TENM1: variants seen among roughly 807,000 people sequenced by gnomAD.
TENM1 encodes the protein teneurin-1.
Under a neutral mutation model 174.8 loss-of-function variants are expected in TENM1, and 35 were observed. The observed-to-expected ratio is 0.20, with a 90% CI of 0.15 to 0.27. The LOEUF is 0.27. Ranked by LOEUF, TENM1 falls within the 10% of genes least tolerant of loss-of-function variation. TENM1 has a pLI of 1.00. For missense variants in TENM1, 1,633 were observed against 2,130.1 expected, an observed-to-expected ratio of 0.77 and a Z score of 4.59; for synonymous variants, 781 against 798.7, an observed-to-expected ratio of 0.98 and a Z score of 0.37.
chrX:125,201,104 G>C, the TENM1 span, among the ~76,000 whole-genome samples: 2 of 112,102 alleles, frequency 1.8e-5, no homozygotes, highest in Non-Finnish European at 3.8e-5. Context: ...TTTGCAGTTT[G>C]ACAATTTAAA....
At chrX:125,018,017 TA>T in the TENM1 span, among the ~76,000 whole-genome samples, 1 of 111,703 alleles carries the variant, frequency 9.0e-6, no homozygotes, top group East Asian at 2.8e-4. Flanking sequence ...TAAAGTTTAA[TA>T]AAAAAATTAA....
chrX:125,149,679 T>G, the TENM1 span, among the ~76,000 whole-genome samples: 1 of 111,929 alleles, frequency 8.9e-6, no homozygotes, highest in Non-Finnish European at 1.9e-5. Flanking sequence ...ACATTTCCTA[T>G]CCTTATCTGG....
intron 23 of TENM1, among the ~76,000 whole-genome samples, chrX:124,434,301 C>T (rs1209053328): frequency 9.0e-6 from 1 of 111,514 alleles, no homozygotes; most frequent in African/African-American, 3.3e-5. Flanking sequence ...GTGAAAGACA[C>T]CACTCTATTA....
At chrX:124,680,395 GTATTT>G (rs1335255133) in intron 5 of TENM1, among the ~76,000 whole-genome samples, 1 of 110,889 alleles carries the variant, frequency 9.0e-6, no homozygotes. Flanking sequence ...CATTTACTAC[GTATTT>G]TATATTTTCC....
intron 7 of TENM1, among the ~76,000 whole-genome samples, chrX:124,652,667 T>C (rs1299562225): frequency 9.5e-6 from 1 of 105,782 alleles, no homozygotes; most frequent in Non-Finnish European, 1.9e-5. Context: ...AAAACAGTTG[T>C]ATAGTCTTTA....
chrX:124,661,986 T>C (rs1189281844), intron 6 of TENM1, among the ~76,000 whole-genome samples: 1 of 111,536 alleles, frequency 9.0e-6, no homozygotes, highest in Non-Finnish European at 1.9e-5. Context: ...ATTTCTAAAA[T>C]ACCAAAATGC....
At chrX:125,080,236 A>C in the TENM1 span, among the ~76,000 whole-genome samples, 1 of 111,744 alleles carries the variant, frequency 8.9e-6, no homozygotes, top group Admixed American at 9.5e-5. Flanking sequence ...AAAATAAAAT[A>C]AGTATAAAAC....
the TENM1 span, among the ~76,000 whole-genome samples, chrX:125,076,848 C>G: frequency 1.8e-5 from 2 of 111,287 alleles, no homozygotes; most frequent in African/African-American, 6.5e-5. Context: ...ATACCTTTTA[C>G]TCAACTTGAG....
intron 3 of TENM1, among the ~76,000 whole-genome samples, chrX:124,795,051 T>C (rs944789967): frequency 5.4e-5 from 6 of 111,859 alleles, no homozygotes; most frequent in African/African-American, 1.9e-4. Context: ...ACCTCCCTTA[T>C]TCTCTGAAAT....
At chrX:125,198,268 C>CT in the TENM1 span, among the ~76,000 whole-genome samples, 1 of 111,655 alleles carries the variant, frequency 9.0e-6, no homozygotes, top group African/African-American at 3.2e-5. Context: ...TGTAATAAGA[C>CT]TTTTTTTATT....
intron 22 of TENM1, among the ~76,000 whole-genome samples, chrX:124,456,597 A>G (rs756157016): frequency 8.9e-6 from 1 of 112,024 alleles, no homozygotes; most frequent in East Asian, 2.8e-4. Flanking sequence ...TTCCCCTCCC[A>G]TAATGCTTAT....
chrX:124,826,512 T>A (rs956799895), intron 3 of TENM1, among the ~76,000 whole-genome samples: 2 of 111,477 alleles, frequency 1.8e-5, no homozygotes, highest in African/African-American at 6.5e-5. Context: ...ATAGAGTCAT[T>A]AAAATGATTT....
intron 3 of TENM1, among the ~76,000 whole-genome samples, chrX:124,848,275 A>G (rs2056649954): frequency 9.0e-6 from 1 of 110,645 alleles, no homozygotes; most frequent in Non-Finnish European, 1.9e-5. Flanking sequence ...GTAGTTTCCA[A>G]ATTTTTTAGT....
the TENM1 span, among the ~76,000 whole-genome samples, chrX:125,071,139 C>T: frequency 8.9e-6 from 1 of 111,790 alleles, no homozygotes; most frequent in Non-Finnish European, 1.9e-5. Flanking sequence ...AACCAAATTT[C>T]ACACCCAAAA....
chrX:125,204,018 G>T, the TENM1 span: 3 of 113,502 alleles, frequency 2.6e-5, no homozygotes, highest in African/African-American at 9.6e-5. Context: ...GCTCTAAACC[G>T]GCGGCCGCCG....
intron 18 of TENM1, among the ~76,000 whole-genome samples, chrX:124,508,498 T>C (rs2047502346): frequency 8.9e-6 from 1 of 112,413 alleles, no homozygotes; most frequent in African/African-American, 3.2e-5. Flanking sequence ...AGTGAATCAC[T>C]GGATTTGATT....
intron 2 of TENM1, 121 bp from the exon 6 acceptor site, chrX:124,894,473 T>A: frequency 2.1e-6 from 1 of 478,150 alleles, no homozygotes; most frequent in Non-Finnish European, 3.6e-6. Flanking sequence ...TGCAATATAA[T>A]TCACATATGT....
At chrX:124,669,894 G>A (rs1296354293) in intron 6 of TENM1, among the ~76,000 whole-genome samples, 1 of 111,797 alleles carries the variant, frequency 8.9e-6, no homozygotes, top group Non-Finnish European at 1.9e-5. Context: ...CTTTCATTGT[G>A]TAAAAAGTTT....
At chrX:125,133,949 G>A in the TENM1 span, among the ~76,000 whole-genome samples, 5 of 111,364 alleles carry the variant, frequency 4.5e-5, no homozygotes, top group Non-Finnish European at 7.5e-5. Flanking sequence ...AAAACCTTCT[G>A]TTTAGATATC....
Sources: allele counts gnomAD v4.1 joint callset (sites outside exome capture counted in the v4.1 genomes callset), GRCh38; gene constraint gnomAD v4.1.1; transcripts MANE v1.5; gene names NCBI Gene and HGNC (gene_info 2026-07-23, HGNC 2026-07-21).